Variants in PIEZO1 observed in about 807,000 individuals in gnomAD.
PIEZO1 encodes piezo-type mechanosensitive ion channel component 1.
Under a neutral mutation model 297.2 loss-of-function variants are expected in PIEZO1, and 296 were observed. That is an observed-to-expected ratio of 1.00 (90% CI 0.91 to 1.10). The LOEUF is 1.10. Ranked by LOEUF, PIEZO1 falls within the 50% of genes least tolerant of loss-of-function variation. The pLI, the probability that PIEZO1 is intolerant of heterozygous loss-of-function variation, is 0.00. For missense variants in PIEZO1, 5,018 were observed against 3,455.5 expected (o/e 1.45, Z -11.34); for synonymous variants, 2,427 against 1,507.5 (o/e 1.61, Z -14.13).
At chr16:88,747,718 G>C (rs1414012328) in intron 2 of PIEZO1, among the ~76,000 whole-genome samples, 1 of 152,228 alleles carries the variant, frequency 6.6e-6, no homozygotes, top group African/African-American at 2.4e-5. Context: ...GGCGAGTCCA[G>C]GCAGCAGAGG....
chr16:88,735,235 G>T lies in PIEZO1; in HGVS notation c.1569C>A (p.Thr523=). The T allele has an allele frequency of 6.5e-7, 1 of 1,549,890 alleles. No individual in the cohort carries two copies. Among genetic ancestry groups the T allele is most frequent in the Non-Finnish European group, 8.7e-7 (1 of 1,146,454 alleles). The change falls in exon 13 of 51, where the codon ACC becomes ACA. Residue 523 remains threonine (T), a synonymous_variant. Transcript: ENST00000301015. ...GGCGCAGCAGGAGCCAGAAGGTCAG[G>T]GTGTAGAGCAACTGTGACAAGCGCA... is the stretch of plus-strand genomic sequence containing the variant. ...CLDLGAMLLY[T]LTFWLLLRQF...
chr16:88,780,399 G>GC (rs71158757), intron 1 of PIEZO1, among the ~76,000 whole-genome samples: 47,848 of 151,916 alleles, frequency 0.31, 7,673 homozygotes, highest in Admixed American at 0.38. Context: ...GGTAGGGGAA[G>GC]GGGGGGTCCC....
At position 88,721,855 on chromosome 16, in the gene PIEZO1, G is replaced by T; in HGVS notation, c.5167C>A (p.Pro1723Thr). Residue 1723 changes from proline to threonine, a missense_variant, in exon 37 of 51, where the codon CCG becomes ACG. Pro to Thr is a conservative substitution (Grantham distance 38). Transcript: ENST00000301015. ...ATCCAGAAGCGCTTGCTGGGCCTCG[G>T]GATCGACAGCATGGCCCACAGGAAG... ...LVFLWAMLSI[P>T]RPSKRFWMTA... 6.5e-7 allele frequency: 1 copy of T among 1,549,694 alleles called. No homozygotes were observed. Among genetic ancestry groups the T allele is most frequent in the Non-Finnish European group, 8.7e-7 (1 of 1,146,742 alleles).
At chr16:88,724,973 T>G in intron 30 of PIEZO1, 36 bp downstream of exon 30, 2 of 1,349,280 alleles carry the variant, frequency 1.5e-6, no homozygotes, top group Non-Finnish European at 2.0e-6. Context: ...ACAGAGGGCC[T>G]GAGAGGGTGG....
intron 41 of PIEZO1, 21 bp from the exon 42 acceptor site, chr16:88,720,304 G>T (rs369524779): frequency 2.6e-6 from 4 of 1,550,142 alleles, no homozygotes; most frequent in South Asian, 1.2e-5. Context: ...GAGAGCACAG[G>T]TCAGGGGGAG....
At chr16:88,719,512 C>A (rs1276326456) in intron 44 of PIEZO1, 62 bp downstream of exon 44, 2 of 1,470,522 alleles carry the variant, frequency 1.4e-6, no homozygotes, top group African/African-American at 1.4e-5. Context: ...AGCAGTGCCT[C>A]TGTCTTAGGG....
chr16:88,781,219 A>C (rs1402920279), intron 1 of PIEZO1, among the ~76,000 whole-genome samples: 2 of 152,204 alleles, frequency 1.3e-5, no homozygotes, highest in African/African-American at 4.8e-5. Flanking sequence ...CCGAGTCAGC[A>C]CAGGAGAGAC....
intron 1 of PIEZO1, among the ~76,000 whole-genome samples, chr16:88,750,938 C>T (rs967508357): frequency 2.0e-5 from 3 of 152,066 alleles, no homozygotes; most frequent in Non-Finnish European, 2.9e-5. Context: ...AGCTCAGACC[C>T]GTGTCCAAGC....
chr16:88,780,613 G>A (rs1308019126), intron 1 of PIEZO1, among the ~76,000 whole-genome samples: 3 of 152,204 alleles, frequency 2.0e-5, no homozygotes, highest in Non-Finnish European at 4.4e-5. Flanking sequence ...CACAAGGAAG[G>A]GCAAACTTGC....
chr16:88,754,520 C>T (rs952623960), intron 1 of PIEZO1, among the ~76,000 whole-genome samples: 61 of 152,300 alleles, frequency 4.0e-4, no homozygotes, highest in African/African-American at 1.4e-3. Context: ...GCCCAACCCT[C>T]GTTCCCTGTG....
intron 1 of PIEZO1, among the ~76,000 whole-genome samples, chr16:88,756,518 C>T (rs2045316997): frequency 6.6e-6 from 1 of 152,330 alleles, no homozygotes. Context: ...CTTTGGGAGG[C>T]CGAGGCGGGA....
chr16:88,781,227 G>C (rs1387230756), intron 1 of PIEZO1, among the ~76,000 whole-genome samples: 2 of 152,220 alleles, frequency 1.3e-5, no homozygotes, highest in Middle Eastern at 3.2e-3. Context: ...GCACAGGAGA[G>C]ACACCGCCCA....
chr16:88,729,309 TCGCGACCCAAAAACAAAG>T, intron 22 of PIEZO1, among the ~76,000 whole-genome samples: 1 of 49,852 alleles, frequency 2.0e-5, no homozygotes, highest in Non-Finnish European at 3.8e-5. Context: ...AGAGGGAACC[TCGCGACCCAAAAACAAAG>T]TGACCCTCGA....
Position 88,735,196 on chromosome 16 carries a change from C to A in PIEZO1, c.1608G>T (p.Glu536Asp). The part of the protein sequence containing the change: ...FWLLLRQFVK[E>D]KLLKWAESPA... ...GAGACTCTGCCCACTTCAGCAGCTT[C>A]TCTTTCACAAACTGGCGCAGCAGGA... is the stretch of plus-strand genomic sequence containing the variant. Residue 536 changes from glutamate to aspartate, a missense_variant, in exon 13 of 51, where the codon GAG (glutamate) becomes GAT (aspartate). Physicochemically the swap from Glu to Asp is conservative, Grantham distance 45. Coordinates refer to ENST00000301015, the MANE Select transcript of PIEZO1 (RefSeq NM_001142864.4). 1 of 1,550,426 alleles carries A rather than the reference C, an allele frequency of 6.4e-7. No individual in the cohort carries two copies. Among genetic ancestry groups the A allele is most frequent in the African/African-American group, 1.4e-5 (1 of 73,182 alleles).
chr16:88,722,795 TCAGG>T (rs1183535675), intron 34 of PIEZO1, 38 bp downstream of exon 34: 1 of 1,535,122 alleles, frequency 6.5e-7, no homozygotes, highest in African/African-American at 1.4e-5. Context: ...AGGGGCGTAG[TCAGG>T]CAGAGCAGGG....
At chr16:88,775,793 G>A (rs1331895388) in intron 1 of PIEZO1, among the ~76,000 whole-genome samples, 2 of 152,154 alleles carry the variant, frequency 1.3e-5, no homozygotes, top group East Asian at 3.9e-4. Flanking sequence ...GGCAGCCAAG[G>A]GTAGGGAGAG....
At chr16:88,727,013 C>T in intron 24 of PIEZO1, 26 bp downstream of exon 24, 9 of 1,548,458 alleles carry the variant, frequency 5.8e-6, no homozygotes, top group Non-Finnish European at 7.9e-6. Context: ...CAGAAGGTTC[C>T]CCGTGGAGGG....
Position 88,720,775 on chromosome 16 carries a change from G to A in PIEZO1, c.5669-27C>T, listed in dbSNP as rs1912383428. ...TGTAGGGAAAAGCTGACTTCTGCCT[G>A]GGCCCCCTGGGGACTGGGCCTGGCT... is the stretch of plus-strand genomic sequence containing the variant. On this transcript the variant is annotated intron_variant, in intron 39 of 50. Transcript: ENST00000301015. 11 of 1,457,388 alleles carry A rather than the reference G, an allele frequency of 7.5e-6. No homozygotes were observed. The South Asian group carries it at 1.6e-4, about 21-fold the overall frequency. 90.3% of individuals were successfully genotyped at this position (1,457,388 alleles called of 1,614,324 possible).
At chr16:88,735,874 CAG>C (rs541295879) in intron 12 of PIEZO1, among the ~76,000 whole-genome samples, 43 of 152,190 alleles carry the variant, frequency 2.8e-4, no homozygotes, top group African/African-American at 8.2e-4. Flanking sequence ...TGTCGGGGCA[CAG>C]GGGTGGTGCC....
Sources: allele counts gnomAD v4.1 joint callset (sites outside exome capture counted in the v4.1 genomes callset), GRCh38; gene constraint gnomAD v4.1.1; transcripts MANE v1.5; gene names NCBI Gene and HGNC (gene_info 2026-07-23, HGNC 2026-07-21).